Variants in PPFIA2 observed in about 807,000 individuals in gnomAD.
PPFIA2 encodes liprin-alpha-2.
PPFIA2 carries 46 observed loss-of-function variants against 175.5 expected under a neutral mutation model. The observed-to-expected ratio is 0.26, with a 90% confidence interval of 0.21 to 0.34. The LOEUF (loss-of-function observed/expected upper bound fraction) is 0.34, where lower values mean the gene tolerates loss of function less well. Ranked by LOEUF, PPFIA2 falls within the 10% of genes least tolerant of loss-of-function variation. The pLI is 1.00. For synonymous variants in PPFIA2, 568 were observed against 511.4 expected (o/e 1.11, Z -1.49); for missense variants, 1,179 against 1,506.1 (o/e 0.78, Z 3.60).
At chr12:81,673,721 T>A (rs1159933859) in intron 4 of PPFIA2, among the ~76,000 whole-genome samples, 1 of 152,030 alleles carries the variant, frequency 6.6e-6, no homozygotes, top group Non-Finnish European at 1.5e-5. Flanking sequence ...GATAAAAGCA[T>A]TTATTTTCTA....
At chr12:81,269,052 A>T (rs956025527) in intron 28 of PPFIA2, among the ~76,000 whole-genome samples, 2 of 152,172 alleles carry the variant, frequency 1.3e-5, no homozygotes, top group African/African-American at 4.8e-5. Flanking sequence ...TGAGGAAAAA[A>T]TTTCTTTGAT....
At chr12:81,442,132 G>A (rs184127577) in intron 6 of PPFIA2, among the ~76,000 whole-genome samples, 63 of 151,778 alleles carry the variant, frequency 4.2e-4, no homozygotes, top group African/African-American at 1.4e-3. Context: ...AAAAGTTATC[G>A]AATTTATCCA....
chr12:81,681,044 C>G (rs1051091613), intron 3 of PPFIA2, among the ~76,000 whole-genome samples: 1 of 151,930 alleles, frequency 6.6e-6, no homozygotes, highest in Non-Finnish European at 1.5e-5. Flanking sequence ...TTTATGCTGA[C>G]TGTGTAAGTA....
At chr12:81,363,316 C>T (rs2031738234) in intron 14 of PPFIA2, among the ~76,000 whole-genome samples, 1 of 151,152 alleles carries the variant, frequency 6.6e-6, no homozygotes, top group Admixed American at 6.6e-5. Context: ...TATTTAAAGA[C>T]AGGGCCTCAC....
At chr12:81,547,904 T>G (rs2067244891) in intron 4 of PPFIA2, among the ~76,000 whole-genome samples, 1 of 152,198 alleles carries the variant, frequency 6.6e-6, no homozygotes, top group African/African-American at 2.4e-5. Context: ...ATTCAAATAC[T>G]TACTTTCCTT....
intron 22 of PPFIA2, among the ~76,000 whole-genome samples, chr12:81,312,950 C>CA (rs1166195102): frequency 6.6e-6 from 1 of 152,052 alleles, no homozygotes; most frequent in African/African-American, 2.4e-5. Flanking sequence ...GCAAAATAAA[C>CA]ATCAAGTTTG....
intron 9 of PPFIA2, among the ~76,000 whole-genome samples, chr12:81,379,106 T>C (rs1566554776): frequency 6.6e-6 from 1 of 152,196 alleles, no homozygotes; most frequent in South Asian, 2.1e-4. Flanking sequence ...TTTGATTCAG[T>C]GATTCATGTG....
chr12:81,675,403 GTTTAGAAACATGC>G, intron 4 of PPFIA2: 1 of 151,846 alleles, frequency 6.6e-6, no homozygotes, highest in East Asian at 1.9e-4. Context: ...AATCTTTCAT[GTTTAGAAACATGC>G]TTTCTTAGAG....
At chr12:81,460,867 T>G (rs1036753853) in intron 4 of PPFIA2, among the ~76,000 whole-genome samples, 1 of 152,074 alleles carries the variant, frequency 6.6e-6, no homozygotes, top group Non-Finnish European at 1.5e-5. Context: ...AGAAGTTAAG[T>G]ACATTGTGCA....
intron 25 of PPFIA2, among the ~76,000 whole-genome samples, chr12:81,283,691 A>C (rs1423043745): frequency 1.3e-5 from 2 of 152,158 alleles, no homozygotes; most frequent in Non-Finnish European, 2.9e-5. Flanking sequence ...TTTACATGAA[A>C]AAATGATTTT....
chr12:81,672,238 ATTATC>A (rs892117871), intron 4 of PPFIA2, among the ~76,000 whole-genome samples: 111 of 152,162 alleles, frequency 7.3e-4, no homozygotes, highest in African/African-American at 2.4e-3. Flanking sequence ...ATATTATTTT[ATTATC>A]TTATCTGTTG....
chr12:81,639,137 T>C (rs1297194337), intron 4 of PPFIA2, among the ~76,000 whole-genome samples: 1 of 152,144 alleles, frequency 6.6e-6, no homozygotes, highest in African/African-American at 2.4e-5. Context: ...GTTTGTCAAA[T>C]ATGAAAGCCA....
chr12:81,495,996 A>G (rs188371767), intron 4 of PPFIA2, among the ~76,000 whole-genome samples: 63 of 152,332 alleles, frequency 4.1e-4, no homozygotes, highest in Admixed American at 1.7e-3. Context: ...ATAATGACAA[A>G]GATAAGAAGT....
intron 4 of PPFIA2, among the ~76,000 whole-genome samples, chr12:81,661,861 A>G (rs1184749723): frequency 1.3e-5 from 2 of 152,236 alleles, no homozygotes; most frequent in African/African-American, 2.4e-5. Context: ...CTCAGACCAC[A>G]GTGCAATCAA....
At chr12:81,669,454 T>C (rs2071004589) in intron 4 of PPFIA2, among the ~76,000 whole-genome samples, 1 of 152,016 alleles carries the variant, frequency 6.6e-6, no homozygotes. Context: ...TATAAATCTT[T>C]ATTCTATAAT....
chr12:81,412,640 G>A (rs895595321), intron 7 of PPFIA2, among the ~76,000 whole-genome samples: 6 of 151,888 alleles, frequency 4.0e-5, no homozygotes, highest in African/African-American at 1.4e-4. Context: ...TGCTTGAAAG[G>A]CTGAGGATGA....
intron 3 of PPFIA2, among the ~76,000 whole-genome samples, chr12:81,706,628 T>G (rs2077178261): frequency 6.6e-6 from 1 of 152,136 alleles, no homozygotes; most frequent in Non-Finnish European, 1.5e-5. Context: ...GTGTGAGGTG[T>G]CAGTCTGCCC....
intron 8 of PPFIA2, among the ~76,000 whole-genome samples, chr12:81,391,989 G>A (rs1015916631): frequency 1.1e-4 from 17 of 151,802 alleles, no homozygotes; most frequent in Admixed American, 1.1e-3. Context: ...TGCTCAAGGT[G>A]ATATGAAAAC....
intron 8 of PPFIA2, among the ~76,000 whole-genome samples, chr12:81,398,591 A>G (rs1344503564): frequency 6.6e-6 from 1 of 152,088 alleles, no homozygotes; most frequent in Non-Finnish European, 1.5e-5. Flanking sequence ...TTGTTGTTAC[A>G]GAGATCAAAT....
Sources: allele counts gnomAD v4.1 joint callset (sites outside exome capture counted in the v4.1 genomes callset), GRCh38; gene constraint gnomAD v4.1.1; transcripts MANE v1.5; gene names NCBI Gene and HGNC (gene_info 2026-07-23, HGNC 2026-07-21).